Variants in MRPL48 observed in about 807,000 individuals in gnomAD.
MRPL48 encodes large ribosomal subunit protein mL48.
A neutral mutation model predicts 32.9 loss-of-function variants in MRPL48; 16 were observed. That is an observed-to-expected ratio of 0.49 (90% CI 0.33 to 0.74). The LOEUF is 0.74. Ranked by LOEUF, MRPL48 falls within the 30% of genes least tolerant of loss-of-function variation. The pLI is 0.02. For synonymous variants in MRPL48, 94 were observed against 89.2 expected (o/e 1.05, Z -0.31); for missense variants, 206 against 245.3 (o/e 0.84, Z 1.07).
At chr11:73,843,750 C>T (rs986957193) in intron 4 of MRPL48, among the ~76,000 whole-genome samples, 1 of 151,982 alleles carries the variant, frequency 6.6e-6, no homozygotes, top group East Asian at 1.9e-4. Flanking sequence ...GGATTCTCTC[C>T]TCAGAAACAT....
intron 1 of MRPL48, 98 bp downstream of exon 1, chr11:73,788,090 G>C (rs1169411105): frequency 1.9e-6 from 3 of 1,540,870 alleles, no homozygotes. Flanking sequence ...GGCGGCGCGC[G>C]GACATCCGGG....
At chr11:73,789,499 G>C (rs1947108580) in intron 1 of MRPL48, 1 of 152,180 alleles carries the variant, frequency 6.6e-6, no homozygotes, top group South Asian at 2.1e-4. Flanking sequence ...ATGTAAGTCT[G>C]TCTCAAAGTG....
rs114504049 is a variant in MRPL48 at position 73,814,306 on chromosome 11, G to A, written c.112+5956G>A. Among the ~76,000 whole-genome samples the A allele has an allele frequency of 6.8e-3, 1,034 of 151,948 alleles. 9 individuals carry two copies. The highest frequency in any genetic ancestry group is 0.022 in the African/African-American group (893 of 41,440). On this transcript the variant is annotated intron_variant, in intron 3 of 7. Coordinates refer to ENST00000310614, the MANE Select transcript of MRPL48 (RefSeq NM_016055.6). ...TCAGAAGACGAAGACTGAGGTGGGA[G>A]GATTGCATGAGTCAGACTGAAGTTG...
At chr11:73,806,066 C>T (rs996151015) in intron 2 of MRPL48, among the ~76,000 whole-genome samples, 2 of 152,030 alleles carry the variant, frequency 1.3e-5, no homozygotes, top group Non-Finnish European at 2.9e-5. Flanking sequence ...ACTGGTCTCC[C>T]TAGTTTACCT....
chr11:73,788,029 T>TGGCGGACGGTGCAGAGAGGGGAGAC lies in MRPL48; in HGVS notation c.21+61_21+62insCGGCGGACGGTGCAGAGAGGGGAGA. The TGGCGGACGGTGCAGAGAGGGGAGAC allele has an allele frequency of 2.0e-6, 3 of 1,464,808 alleles. No homozygotes were observed. In the Admixed American group the frequency reaches 5.4e-5, roughly 26 times the overall value. The allele number at this position is 1,464,808 out of a possible 1,614,324, so 90.7% of individuals were successfully genotyped here. ...TCCACGCACGCGGGGCGCGGGGAGA[T>TGGCGGACGGTGCAGAGAGGGGAGAC]GGCGGACGGTGCAGAGAGGGGAGAT... On this transcript the variant is annotated intron_variant, in intron 1 of 7. Coordinates refer to ENST00000310614, the MANE Select transcript of MRPL48 (RefSeq NM_016055.6).
intron 1 of MRPL48, among the ~76,000 whole-genome samples, chr11:73,800,243 T>A (rs1565402361): frequency 6.9e-6 from 1 of 145,696 alleles, no homozygotes; most frequent in Admixed American, 6.9e-5. Flanking sequence ...TCCGGTCTCT[T>A]AAAAAAAAAA....
At chr11:73,838,558 C>T (rs1948140694) in intron 4 of MRPL48, among the ~76,000 whole-genome samples, 1 of 152,216 alleles carries the variant, frequency 6.6e-6, no homozygotes, top group Admixed American at 6.5e-5. Flanking sequence ...TGGAAAATTT[C>T]AGCCACTCTC....
chr11:73,861,306 C>G (rs1383290159), intron 6 of MRPL48, among the ~76,000 whole-genome samples: 1 of 152,172 alleles, frequency 6.6e-6, no homozygotes, highest in Non-Finnish European at 1.5e-5. Context: ...GATTCTCCTC[C>G]TGCTTTTCCT....
At chr11:73,839,311 T>C (rs1204974669) in intron 4 of MRPL48, among the ~76,000 whole-genome samples, 1 of 152,228 alleles carries the variant, frequency 6.6e-6, no homozygotes. Flanking sequence ...CCCTAGACTG[T>C]TGGCTATTAG....
At chr11:73,804,207 C>T (rs189731896) in intron 1 of MRPL48, among the ~76,000 whole-genome samples, 2 of 152,140 alleles carry the variant, frequency 1.3e-5, no homozygotes, top group African/African-American at 2.4e-5. Context: ...CATGAGCCAC[C>T]GTGCCCAGCC....
At chr11:73,799,122 AAG>A (rs1408358228) in intron 1 of MRPL48, among the ~76,000 whole-genome samples, 2 of 152,154 alleles carry the variant, frequency 1.3e-5, no homozygotes, top group African/African-American at 4.8e-5. Context: ...CAGGATGCCT[AAG>A]ATGAGAGTAA....
At chr11:73,861,721 A>C (rs1048645984) in intron 6 of MRPL48, among the ~76,000 whole-genome samples, 4 of 152,136 alleles carry the variant, frequency 2.6e-5, no homozygotes, top group African/African-American at 9.7e-5. Context: ...ATTTTACTGA[A>C]TGCTGTTTTC....
At chr11:73,830,777 C>T (rs1439889372) in intron 4 of MRPL48, among the ~76,000 whole-genome samples, 1 of 151,398 alleles carries the variant, frequency 6.6e-6, no homozygotes, top group Non-Finnish European at 1.5e-5. Context: ...ATGACTTACG[C>T]ATCTTGGGAA....
chr11:73,816,073 T>C (rs918565240), intron 3 of MRPL48, among the ~76,000 whole-genome samples: 5 of 151,460 alleles, frequency 3.3e-5, no homozygotes, highest in Non-Finnish European at 5.9e-5. Context: ...TATTTATTTA[T>C]TTATTTGAGA....
intron 1 of MRPL48, among the ~76,000 whole-genome samples, chr11:73,803,195 T>C (rs1237560249): frequency 6.6e-6 from 1 of 152,120 alleles, no homozygotes; most frequent in African/African-American, 2.4e-5. Flanking sequence ...TGGTATGATC[T>C]CTGCTCACTG....
At chr11:73,855,669 G>T (rs1948471555) in intron 5 of MRPL48, among the ~76,000 whole-genome samples, 1 of 152,204 alleles carries the variant, frequency 6.6e-6, no homozygotes, top group Non-Finnish European at 1.5e-5. Context: ...TGTATTTTTA[G>T]TGGAGACGGG....
At chr11:73,852,845 C>T (rs564739314) in intron 5 of MRPL48, among the ~76,000 whole-genome samples, 12 of 152,232 alleles carry the variant, frequency 7.9e-5, no homozygotes, top group Non-Finnish European at 1.5e-4. Flanking sequence ...TGGAAGCAAC[C>T]GGAGTGTCTG....
chr11:73,818,914 A>C (rs995222037), intron 3 of MRPL48, among the ~76,000 whole-genome samples: 15 of 152,202 alleles, frequency 9.9e-5, no homozygotes, highest in African/African-American at 3.6e-4. Flanking sequence ...TAATTGTGAT[A>C]ATTGAAAGAT....
chr11:73,819,898 A>G (rs767883722), intron 3 of MRPL48, among the ~76,000 whole-genome samples: 6 of 152,232 alleles, frequency 3.9e-5, no homozygotes, highest in Admixed American at 6.5e-5. Context: ...TCCTGTCTCA[A>G]AACAAGCAAA....
Sources: gnomAD v4.1 joint callset for allele counts (sites outside exome capture counted in the v4.1 genomes callset) on GRCh38, gnomAD v4.1.1 for gene constraint, MANE v1.5 for transcripts, NCBI Gene and HGNC (gene_info 2026-07-23, HGNC 2026-07-21) for gene names.